Variants in DSCAML1 observed in about 807,000 individuals in gnomAD.
DSCAML1 encodes DS cell adhesion molecule like 1.
Under a neutral mutation model 200.5 loss-of-function variants are expected in DSCAML1, and 38 were observed. The ratio of observed to expected loss-of-function variants is 0.19; its 90% confidence interval spans 0.15 to 0.25. DSCAML1 has a LOEUF of 0.25. Among genes scored for constraint, DSCAML1 ranks in the 10% least tolerant of loss-of-function variants. DSCAML1 has a pLI of 1.00. For synonymous variants in DSCAML1, 1,215 were observed against 1,165.0 expected (o/e 1.04, Z -0.87); for missense variants, 2,223 against 2,858.8 (o/e 0.78, Z 5.07).
intron 3 of DSCAML1, among the ~76,000 whole-genome samples, chr11:117,753,059 C>CTG (rs147066248): frequency 0.042 from 6,399 of 152,284 alleles, 447 homozygotes; most frequent in African/African-American, 0.14. Flanking sequence ...ACAGACCTGG[C>CTG]TGAGTCCTGC....
At chr11:117,545,030 G>A (rs2050344739) in intron 3 of DSCAML1, among the ~76,000 whole-genome samples, 2 of 152,016 alleles carry the variant, frequency 1.3e-5, no homozygotes, top group Non-Finnish European at 2.9e-5. Flanking sequence ...GGGAGTTTGA[G>A]ACCAGCCTGG....
intron 3 of DSCAML1, among the ~76,000 whole-genome samples, chr11:117,564,473 C>T (rs886384976): frequency 8.5e-5 from 13 of 152,208 alleles, no homozygotes; most frequent in African/African-American, 3.1e-4. Flanking sequence ...CAGGTCCCGG[C>T]GATTCTCCTG....
intron 26 of DSCAML1, 134 bp from the exon 27 acceptor site, chr11:117,435,933 C>G: frequency 2.1e-6 from 2 of 939,046 alleles, no homozygotes; most frequent in Non-Finnish European, 3.0e-6. Context: ...GGCACAGAAC[C>G]CTGGACTTCC....
At chr11:117,806,852 C>T (rs1412986644) in intron 1 of DSCAML1, among the ~76,000 whole-genome samples, 4 of 152,216 alleles carry the variant, frequency 2.6e-5, no homozygotes, top group Non-Finnish European at 5.9e-5. Flanking sequence ...TTATTATGCA[C>T]TCATTTCCCA....
intron 3 of DSCAML1, among the ~76,000 whole-genome samples, chr11:117,686,228 G>GT (rs376287534): frequency 6.6e-6 from 1 of 152,332 alleles, no homozygotes; most frequent in African/African-American, 2.4e-5. Context: ...TTAGCTTAGA[G>GT]TTTAGTAACT....
At chr11:117,468,555 A>G (rs192168070) in intron 16 of DSCAML1, among the ~76,000 whole-genome samples, 89 of 152,272 alleles carry the variant, frequency 5.8e-4, no homozygotes, top group Admixed American at 1.9e-3. Context: ...GTCCACAGCC[A>G]GGACGCAGCC....
intron 3 of DSCAML1, among the ~76,000 whole-genome samples, chr11:117,688,507 C>T (rs1190833020): frequency 1.3e-5 from 2 of 152,212 alleles, no homozygotes; most frequent in Non-Finnish European, 2.9e-5. Flanking sequence ...CCATTCCCGC[C>T]TCCTCCCCAC....
intron 3 of DSCAML1, among the ~76,000 whole-genome samples, chr11:117,538,968 C>T (rs2050215494): frequency 6.6e-6 from 1 of 152,170 alleles, no homozygotes; most frequent in Admixed American, 6.5e-5. Flanking sequence ...CCTTCTGTCC[C>T]CAGCACACAG....
chr11:117,557,758 G>A (rs552681007), intron 3 of DSCAML1, among the ~76,000 whole-genome samples: 28 of 152,276 alleles, frequency 1.8e-4, no homozygotes, highest in South Asian at 1.5e-3. Flanking sequence ...AAGGGAGCAG[G>A]GATGGGGTGG....
At chr11:117,451,044 T>C (rs1367582068) in intron 19 of DSCAML1, among the ~76,000 whole-genome samples, 1 of 152,200 alleles carries the variant, frequency 6.6e-6, no homozygotes, top group Admixed American at 6.5e-5. Flanking sequence ...TTACTAACTG[T>C]AAGCATGTAT....
At chr11:117,481,833 A>T in intron 12 of DSCAML1, 130 bp downstream of exon 12, 13 of 913,238 alleles carry the variant, frequency 1.4e-5, no homozygotes, top group Non-Finnish European at 2.0e-5. Context: ...GGGAAAGGGG[A>T]GGTACATTTT....
intron 3 of DSCAML1, among the ~76,000 whole-genome samples, chr11:117,747,563 C>A (rs1276399547): frequency 1.3e-5 from 2 of 152,142 alleles, no homozygotes; most frequent in Non-Finnish European, 2.9e-5. Context: ...TGCAGGAATG[C>A]GTAAAGACAG....
intron 3 of DSCAML1, among the ~76,000 whole-genome samples, chr11:117,662,499 C>T (rs2052876361): frequency 6.6e-6 from 1 of 152,228 alleles, no homozygotes; most frequent in South Asian, 2.1e-4. Flanking sequence ...GATGACCACT[C>T]GTCGAGAATG....
chr11:117,649,302 T>C (rs905493418), intron 3 of DSCAML1, among the ~76,000 whole-genome samples: 1 of 152,114 alleles, frequency 6.6e-6, no homozygotes, highest in Non-Finnish European at 1.5e-5. Flanking sequence ...GGTCTCGAAC[T>C]CCTGACCTCA....
In DSCAML1 at chr11:117,433,463, T is replaced by A. The variant is rs1476246102; in HGVS notation, c.4885A>T (p.Ser1629Cys). ...CACCTTATCAACATTTCTGCCAAAC[T>A]CTTTGCATCTGCAAAACAGTAGAGG... ...KRLKRLRDAK[S>C]LAEMLISKNN... The change falls in exon 28 of 33, where the codon AGT (serine) becomes TGT (cysteine). Residue 1629 changes from serine to cysteine, a missense_variant. Physicochemically the swap from Ser to Cys is moderately radical, Grantham distance 112. This residue lies in a region of DSCAML1 where 614 missense variants were observed against 739.1 expected (regional missense o/e 0.83). Coordinates refer to ENST00000651296, the MANE Select transcript of DSCAML1 (RefSeq NM_020693.4). 8 of 1,613,072 alleles carry A rather than the reference T, an allele frequency of 5.0e-6. No homozygotes were observed. The highest frequency in any genetic ancestry group is 6.8e-6 in the Non-Finnish European group (8 of 1,179,842).
chr11:117,486,309 TGGATGTGAAAGTAGC>T (rs1228617550), intron 11 of DSCAML1, among the ~76,000 whole-genome samples: 7 of 130,096 alleles, frequency 5.4e-5, no homozygotes, highest in African/African-American at 8.2e-5. Context: ...GTGAAAGTAG[TGGATGTGAAAGTAGC>T]GGATGTGAAA....
At chr11:117,713,548 C>G (rs1205346465) in intron 3 of DSCAML1, among the ~76,000 whole-genome samples, 1 of 152,218 alleles carries the variant, frequency 6.6e-6, no homozygotes, top group Non-Finnish European at 1.5e-5. Context: ...CCAGGGAGGC[C>G]TGCAAAATGA....
At chr11:117,791,007 G>T (rs2055455041) in intron 1 of DSCAML1, among the ~76,000 whole-genome samples, 1 of 152,244 alleles carries the variant, frequency 6.6e-6, no homozygotes, top group Non-Finnish European at 1.5e-5. Context: ...ATCATGTAGA[G>T]ACAGGGCACA....
At chr11:117,660,861 T>A (rs2052833901) in intron 3 of DSCAML1, among the ~76,000 whole-genome samples, 1 of 152,132 alleles carries the variant, frequency 6.6e-6, no homozygotes. Context: ...TGTTCTGAAT[T>A]TGAGAAAGAT....
Sources: gnomAD v4.1 joint callset for allele counts (sites outside exome capture counted in the v4.1 genomes callset) on GRCh38, gnomAD v4.1.1 for gene constraint, gnomAD v4.1.1 regional missense constraint, MANE v1.5 for transcripts, NCBI Gene and HGNC (gene_info 2026-07-23, HGNC 2026-07-21) for gene names.